The following STXBP5L variants were observed in gnomAD, a reference collection of about 807,000 sequenced individuals.
STXBP5L encodes syntaxin binding protein 5L.
A neutral mutation model predicts 144.5 loss-of-function variants in STXBP5L; 65 were observed. The ratio of observed to expected loss-of-function variants is 0.45; its 90% CI spans 0.37 to 0.55. The LOEUF is 0.55. Among genes scored for constraint, STXBP5L ranks in the 20% least tolerant of loss-of-function variants. The pLI is 0.00. For synonymous variants in STXBP5L, 505 were observed against 469.6 expected (o/e 1.08, Z -0.97); for missense variants, 1,298 against 1,405.5 (o/e 0.92, Z 1.22).
At chr3:121,063,629 GA>G (rs767336212) in intron 5 of STXBP5L, among the ~76,000 whole-genome samples, 1 of 152,174 alleles carries the variant, frequency 6.6e-6, no homozygotes, top group Non-Finnish European at 1.5e-5. Flanking sequence ...CCAGGGAGAT[GA>G]GAGTTTTATG....
At chr3:121,056,698 C>T (rs567812821) in intron 5 of STXBP5L, among the ~76,000 whole-genome samples, 44 of 152,092 alleles carry the variant, frequency 2.9e-4, no homozygotes, top group Admixed American at 5.9e-4. Flanking sequence ...TATTCCTGTC[C>T]CCTGGACACT....
intron 2 of STXBP5L, among the ~76,000 whole-genome samples, chr3:120,919,749 CTT>C (rs962421390): frequency 2.0e-5 from 3 of 151,762 alleles, no homozygotes; most frequent in Non-Finnish European, 3.0e-5. Flanking sequence ...TTGGGCAACC[CTT>C]TTTTAGGAAT....
chr3:121,353,324 C>T (rs979863347), intron 20 of STXBP5L, among the ~76,000 whole-genome samples: 22 of 151,956 alleles, frequency 1.4e-4, no homozygotes, highest in African/African-American at 5.1e-4. Context: ...GACTTTTTTT[C>T]GTTGGTAGGC....
rs1334651986 is a variant in STXBP5L at position 121,074,374 on chromosome 3, C to T, written c.470+28839C>T. Among the ~76,000 whole-genome samples the T allele has an allele frequency of 5.9e-5, 9 of 152,268 alleles. No homozygotes were observed. The East Asian group carries it at 1.7e-3, about 29-fold the overall frequency. ...CGCAAATCCTTTACTGGCTGGTAAT[C>T]TCTGGAGGGCTTTAACACCGGTACC... On this transcript the variant is annotated intron_variant, in intron 5 of 26. Coordinates refer to ENST00000471454, the MANE Select transcript of STXBP5L (RefSeq NM_001308330.2).
In STXBP5L at chr3:121,107,818, A is replaced by T. The variant is rs941333421; in HGVS notation, c.471-7107A>T. 3.3e-5 allele frequency among the ~76,000 whole-genome samples: 5 copies of T among 152,170 alleles called. 1 individual carries two copies. The highest frequency in any genetic ancestry group is 1.2e-4 in the African/African-American group (5 of 41,434). On this transcript the variant is annotated intron_variant, in intron 5 of 26. Transcript: ENST00000471454. ...TACTTTAGGCAGTATGGCCATTTTC[A>T]CAATATTGATGCTTCCTGCCCATGG... is the stretch of plus-strand genomic sequence containing the variant.
rs1004473488 is a variant in STXBP5L at position 120,989,622 on chromosome 3, C to T, written c.287+34585C>T. On this transcript the variant is annotated intron_variant, in intron 3 of 26. Coordinates refer to ENST00000471454, the MANE Select transcript of STXBP5L (RefSeq NM_001308330.2). ...TGCTGAGAGTGGAGTAAATTGGGGA[C>T]TATAACTCGAATTTTATGTTTCTGC... 5.3e-5 allele frequency among the ~76,000 whole-genome samples: 8 copies of T among 152,140 alleles called. No homozygotes were observed. In the East Asian group the frequency reaches 1.4e-3, roughly 26 times the overall value.
At chr3:121,006,487 G>A (rs935444130) in intron 3 of STXBP5L, among the ~76,000 whole-genome samples, 5 of 152,116 alleles carry the variant, frequency 3.3e-5, no homozygotes, top group East Asian at 3.9e-4. Flanking sequence ...GCACACTGAT[G>A]GATCTTGACT....
chr3:121,342,860 C>A (rs1363607483), intron 20 of STXBP5L, among the ~76,000 whole-genome samples: 1 of 148,852 alleles, frequency 6.7e-6, no homozygotes, highest in South Asian at 2.2e-4. Flanking sequence ...GGGTACATAC[C>A]CAGTAATGGG....
At chr3:121,342,405 G>C (rs1189179177) in intron 20 of STXBP5L, among the ~76,000 whole-genome samples, 1 of 151,762 alleles carries the variant, frequency 6.6e-6, no homozygotes, top group Non-Finnish European at 1.5e-5. Context: ...GTGCAGGTTA[G>C]TTACATATGT....
At chr3:120,920,572 G>C (rs1211752371) in intron 2 of STXBP5L, among the ~76,000 whole-genome samples, 1 of 151,602 alleles carries the variant, frequency 6.6e-6, no homozygotes, top group Non-Finnish European at 1.5e-5. Context: ...TCACCCTACT[G>C]ATCTATTAAA....
At chr3:121,344,033 A>T (rs970376135) in intron 20 of STXBP5L, among the ~76,000 whole-genome samples, 4 of 152,106 alleles carry the variant, frequency 2.6e-5, no homozygotes, top group Non-Finnish European at 5.9e-5. Flanking sequence ...ACAGCATGGT[A>T]CTGGTACCAA....
chr3:121,211,670 C>T (rs536977703), intron 10 of STXBP5L, among the ~76,000 whole-genome samples: 14 of 150,482 alleles, frequency 9.3e-5, no homozygotes, highest in East Asian at 3.9e-4. Flanking sequence ...CCTCTGCCTC[C>T]GGGGTTCAAG....
At chr3:120,937,411 A>T (rs1228624888) in intron 2 of STXBP5L, among the ~76,000 whole-genome samples, 3 of 152,142 alleles carry the variant, frequency 2.0e-5, no homozygotes, top group African/African-American at 7.2e-5. Context: ...TTAACTCTCA[A>T]ACTTGTTCAC....
chr3:121,323,890 G>A (rs763609335), intron 20 of STXBP5L, among the ~76,000 whole-genome samples: 4 of 152,096 alleles, frequency 2.6e-5, no homozygotes, highest in Admixed American at 6.5e-5. Context: ...TTATTTGGAC[G>A]AAGAATTGAA....
rs1272034371 is a variant in STXBP5L at position 121,421,520 on chromosome 3, A to G, written c.*2423A>G. 1 of 152,192 alleles carries G rather than the reference A, an allele frequency of 6.6e-6. No individual in the cohort carries two copies. Among genetic ancestry groups the G allele is most frequent in the African/African-American group, 2.4e-5 (1 of 41,460 alleles). 9.4% of individuals were successfully genotyped at this position (152,192 alleles called of 1,614,324 possible). On this transcript the variant is annotated 3_prime_UTR_variant, in exon 27 of 27. Transcript: ENST00000471454. ...AAATTTCTCCCAGTTCACAGCCACT[A>G]TTCTACATCATACAAAGAGGTAGAT...
At chr3:121,117,008 C>T (rs1161306925) in intron 6 of STXBP5L, among the ~76,000 whole-genome samples, 1 of 151,878 alleles carries the variant, frequency 6.6e-6, no homozygotes, top group Non-Finnish European at 1.5e-5. Context: ...AAACATTTCA[C>T]CACTCTTGCA....
chr3:121,280,676 T>G (rs2051028141), intron 19 of STXBP5L, among the ~76,000 whole-genome samples: 1 of 151,948 alleles, frequency 6.6e-6, no homozygotes, highest in African/African-American at 2.4e-5. Context: ...GTTTTGCATA[T>G]TTTCTGTCCA....
intron 5 of STXBP5L, 62 bp downstream of exon 5, chr3:121,045,597 T>C: frequency 6.8e-7 from 1 of 1,464,716 alleles, no homozygotes; most frequent in Non-Finnish European, 9.4e-7. Flanking sequence ...TGAGCAAGTT[T>C]TTGTTAACTT....
At chr3:121,332,096 A>G (rs1043826996) in intron 20 of STXBP5L, among the ~76,000 whole-genome samples, 4 of 152,096 alleles carry the variant, frequency 2.6e-5, no homozygotes, top group Admixed American at 1.3e-4. Context: ...TTTAAAAATC[A>G]CAGATGAATT....
Sources: allele counts gnomAD v4.1 joint callset (sites outside exome capture counted in the v4.1 genomes callset), GRCh38; gene constraint gnomAD v4.1.1; transcripts MANE v1.5; gene names NCBI Gene and HGNC (gene_info 2026-07-23, HGNC 2026-07-21).